Variants in EPDR1 observed in about 807,000 individuals in gnomAD.
The protein encoded by EPDR1 is mammalian ependymin-related protein 1.
A neutral mutation model predicts 23.7 loss-of-function variants in EPDR1; 27 were observed. The ratio of observed to expected loss-of-function variants is 1.14; its 90% CI spans 0.84 to 1.57. The LOEUF (loss-of-function observed/expected upper bound fraction) is 1.57. Among genes scored for constraint, EPDR1 ranks in the 40% most tolerant of loss-of-function variants. The pLI, the probability that EPDR1 is intolerant of heterozygous loss-of-function variation, is 0.00. For synonymous variants in EPDR1, 137 were observed against 118.2 expected (o/e 1.16, Z -1.03); for missense variants, 349 against 290.4 (o/e 1.20, Z -1.47).
At chr7:37,944,868 C>T (rs1786241079) in intron 1 of EPDR1, among the ~76,000 whole-genome samples, 1 of 152,184 alleles carries the variant, frequency 6.6e-6, no homozygotes, top group Non-Finnish European at 1.5e-5. Flanking sequence ...CCCTCTCCTG[C>T]ACATGGCTAC....
At chr7:37,922,723 A>G (rs934779533) in intron 1 of EPDR1, among the ~76,000 whole-genome samples, 4 of 152,010 alleles carry the variant, frequency 2.6e-5, no homozygotes, top group Admixed American at 6.6e-5. Context: ...TTTATTTAAC[A>G]AGCATTTGTT....
chr7:37,938,821 G>C (rs1562861405), intron 1 of EPDR1, among the ~76,000 whole-genome samples: 2 of 152,132 alleles, frequency 1.3e-5, no homozygotes, highest in African/African-American at 2.4e-5. Flanking sequence ...AATTGTTTCA[G>C]TACCCTTGGG....
At chr7:37,932,160 G>A (rs1403987969) in intron 1 of EPDR1, among the ~76,000 whole-genome samples, 1 of 151,768 alleles carries the variant, frequency 6.6e-6, no homozygotes, top group Non-Finnish European at 1.5e-5. Flanking sequence ...CACTTAATAT[G>A]TTTTTTTCCC....
At chr7:37,945,892 A>G (rs1471996937) in intron 1 of EPDR1, among the ~76,000 whole-genome samples, 2 of 152,032 alleles carry the variant, frequency 1.3e-5, no homozygotes, top group Non-Finnish European at 2.9e-5. Flanking sequence ...AGCTCCACCA[A>G]CAGGCCCCAG....
intron 1 of EPDR1, among the ~76,000 whole-genome samples, chr7:37,932,762 T>C (rs909968437): frequency 8.5e-5 from 13 of 152,204 alleles, no homozygotes; most frequent in Non-Finnish European, 1.9e-4. Flanking sequence ...CTATTTCTTT[T>C]TGTGGTGGTG....
intron 1 of EPDR1, among the ~76,000 whole-genome samples, chr7:37,937,985 ATTTTTT>A (rs35752051): frequency 9.7e-5 from 7 of 72,402 alleles, no homozygotes; most frequent in East Asian, 4.4e-4. Flanking sequence ...TGCCCTTTAA[ATTTTTT>A]TTTTTTTTTT....
intron 2 of EPDR1, 37 bp downstream of exon 2, chr7:37,949,085 T>A (rs1396834557): frequency 1.3e-6 from 2 of 1,581,198 alleles, no homozygotes; most frequent in Non-Finnish European, 1.7e-6. Context: ...GTATTCAGCA[T>A]GCATGATGGG....
At chr7:37,945,382 G>A (rs1441084465) in intron 1 of EPDR1, among the ~76,000 whole-genome samples, 2 of 152,100 alleles carry the variant, frequency 1.3e-5, no homozygotes, top group African/African-American at 4.8e-5. Context: ...ACCCTTGTAA[G>A]CCGTTTCAAA....
At position 37,937,985 on chromosome 7, in the gene EPDR1, ATTTTTTT is replaced by A. The variant is rs35752051; in HGVS notation, c.270-10838_270-10832del. Reference sequence around the variant, plus strand: ...CTGAAGAAAAATGGGTGCCCTTTAAATTTTTTTTTTTTTTTTTTTTTTTGAGATGGAG... The same window carrying A: ...CTGAAGAAAAATGGGTGCCCTTTAAATTTTTTTTTTTTTTTTGAGATGGAG... On this transcript the variant is annotated intron_variant, in intron 1 of 2. Coordinates refer to ENST00000199448, the MANE Select transcript of EPDR1 (RefSeq NM_017549.5). Among the ~76,000 whole-genome samples the A allele has an allele frequency of 8.3e-5, 6 of 72,404 alleles. 1 individual carries two copies. Among genetic ancestry groups the A allele is most frequent in the South Asian group, 6.9e-4 (1 of 1,450 alleles). The allele number at this position is 72,404 out of a possible 152,430, so 47.5% of individuals were successfully genotyped here. A position where few individuals can be genotyped will look rare whatever the true frequency, so the allele number is the denominator to read the frequency against.
intron 1 of EPDR1, among the ~76,000 whole-genome samples, chr7:37,935,899 G>A (rs904238099): frequency 4.1e-5 from 6 of 147,434 alleles, no homozygotes; most frequent in African/African-American, 1.5e-4. Flanking sequence ...AAAGGTAAAA[G>A]GTTTTATCTC....
At chr7:37,929,433 G>A (rs761093564) in intron 1 of EPDR1, among the ~76,000 whole-genome samples, 20 of 152,098 alleles carry the variant, frequency 1.3e-4, no homozygotes, top group Non-Finnish European at 2.5e-4. Flanking sequence ...TTCTGATGTC[G>A]GAGAAGGCGA....
At chr7:37,935,292 C>T (rs956319102) in intron 1 of EPDR1, among the ~76,000 whole-genome samples, 1 of 152,198 alleles carries the variant, frequency 6.6e-6, no homozygotes, top group Non-Finnish European at 1.5e-5. Context: ...CTCAGATGTT[C>T]TGTCCTTCAT....
At chr7:37,941,720 C>A (rs1397936698) in intron 1 of EPDR1, among the ~76,000 whole-genome samples, 3 of 152,080 alleles carry the variant, frequency 2.0e-5, no homozygotes, top group East Asian at 3.9e-4. Flanking sequence ...AGAGACATAA[C>A]CAAATATAAT....
intron 1 of EPDR1, among the ~76,000 whole-genome samples, 196 bp from the exon 2 acceptor site, chr7:37,948,644 G>A (rs906649747): frequency 4.6e-5 from 7 of 152,068 alleles, no homozygotes; most frequent in Non-Finnish European, 7.4e-5. Flanking sequence ...CATCATGCTC[G>A]GTCTGACCTG....
In EPDR1 at chr7:37,950,817, T is replaced by G. The variant is rs576014176; in HGVS notation, c.*421T>G. 6.4e-6 allele frequency: 1 copy of G among 155,798 alleles called. No individual in the cohort carries two copies. The highest frequency in any genetic ancestry group is 1.9e-4 in the East Asian group (1 of 5,300). The allele number at this position is 155,798 out of a possible 1,614,324, so 9.7% of individuals were successfully genotyped here. A position where few individuals can be genotyped will look rare whatever the true frequency, so the allele number is the denominator to read the frequency against. ...GCAGAGTGATTTTGGTCAATTTTAT[T>G]ATTAATTCTTAAATTCCCTGCAGAG... On this transcript the variant is annotated 3_prime_UTR_variant, in exon 3 of 3. Transcript: ENST00000199448.
rs1260300220 is a variant in EPDR1 at position 37,939,216 on chromosome 7, T to C, written c.270-9624T>C. ...GGATGGTCTCGATCTCCTGACCTCA[T>C]GATCTGCCTGCCTCGGCCTCCCAAA... On this transcript the variant is annotated intron_variant, in intron 1 of 2. Coordinates refer to ENST00000199448, the MANE Select transcript of EPDR1 (RefSeq NM_017549.5). Among the ~76,000 whole-genome samples the C allele has an allele frequency of 2.0e-5, 3 of 152,148 alleles. No homozygotes were observed. In the East Asian group the frequency reaches 5.8e-4, roughly 29 times the overall value.
intron 1 of EPDR1, among the ~76,000 whole-genome samples, chr7:37,931,894 G>A (rs969818020): frequency 6.6e-6 from 1 of 152,036 alleles, no homozygotes; most frequent in African/African-American, 2.4e-5. Flanking sequence ...TTTTGTAGTA[G>A]AGAAAGGGTT....
At chr7:37,922,475 C>T (rs1345254205) in intron 1 of EPDR1, among the ~76,000 whole-genome samples, 1 of 152,138 alleles carries the variant, frequency 6.6e-6, no homozygotes, top group East Asian at 1.9e-4. Context: ...ATAATAACAA[C>T]TAACAGTTGC....
chr7:37,949,012 G>C lies in EPDR1; in HGVS notation c.442G>C (p.Val148Leu). ...SIGGPQEQIT[V>L]QEWSDRKSAR... ...CGGGGGGCCTCAGGAGCAGATCACCGTCCAGGAGTGGTCGGACAGAAAGTC... is the reference window on the plus strand; with the variant it reads ...CGGGGGGCCTCAGGAGCAGATCACCCTCCAGGAGTGGTCGGACAGAAAGTC... The change falls in exon 2 of 3, where the codon GTC (valine) becomes CTC (leucine). Residue 148 changes from valine (V) to leucine (L), a missense_variant. Transcript: ENST00000199448. 6.2e-7 allele frequency: 1 copy of C among 1,614,134 alleles called. No individual in the cohort carries two copies.
Sources: allele counts gnomAD v4.1 joint callset (sites outside exome capture counted in the v4.1 genomes callset), GRCh38; gene constraint gnomAD v4.1.1; transcripts MANE v1.5; gene names NCBI Gene and HGNC (gene_info 2026-07-23, HGNC 2026-07-21).